LONP2: variants seen among roughly 807,000 people sequenced by gnomAD.
LONP2 encodes lon protease homolog 2, peroxisomal.
A neutral mutation model predicts 85.6 loss-of-function variants in LONP2; 60 were observed. The observed-to-expected ratio is 0.70, with a 90% confidence interval of 0.57 to 0.87. The LOEUF (loss-of-function observed/expected upper bound fraction) is 0.87. Ranked by LOEUF, LONP2 falls within the 40% of genes least tolerant of loss-of-function variation. The probability of loss-of-function intolerance (pLI) is 0.00; values close to 1 mark genes in which losing one functional copy is unlikely to be tolerated. For synonymous variants in LONP2, 395 were observed against 389.7 expected (o/e 1.01, Z -0.16); for missense variants, 860 against 1,063.5 (o/e 0.81, Z 2.66).
Position 48,346,304 on chromosome 16 carries a change from T to G in LONP2, c.1939-1203T>G, listed in dbSNP as rs1161416780. On this transcript the variant is annotated intron_variant, in intron 12 of 14. Coordinates refer to ENST00000285737, the MANE Select transcript of LONP2 (RefSeq NM_031490.5). ...TTCAGTTCCTCTAACATGAGTAACT[T>G]CTATTGGATAGGAAATTTTGAAGCT... Among the ~76,000 whole-genome samples, 5 of 152,288 alleles carry G rather than the reference T, an allele frequency of 3.3e-5. No individual in the cohort carries two copies. The Middle Eastern group carries it at 0.01, about 311-fold the overall frequency.
chr16:48,255,850 C>G (rs1170603210), intron 2 of LONP2, among the ~76,000 whole-genome samples: 8 of 152,080 alleles, frequency 5.3e-5, no homozygotes, highest in African/African-American at 1.9e-4. Context: ...TGAGGCCTCC[C>G]CAGCCATGTG....
intron 8 of LONP2, 83 bp from the exon 9 acceptor site, chr16:48,295,932 A>T: frequency 2.3e-6 from 3 of 1,287,052 alleles, no homozygotes. Flanking sequence ...CAACCTTGCC[A>T]GTACATCATG....
intron 9 of LONP2, among the ~76,000 whole-genome samples, chr16:48,296,973 G>GC (rs1555481005): frequency 6.6e-6 from 1 of 150,960 alleles, no homozygotes; most frequent in Non-Finnish European, 1.5e-5. Context: ...ATATCACTGA[G>GC]TTTTTTTTTA....
chr16:48,246,879 T>G (rs895976453), intron 1 of LONP2, among the ~76,000 whole-genome samples: 4 of 152,160 alleles, frequency 2.6e-5, no homozygotes, highest in Non-Finnish European at 4.4e-5. Flanking sequence ...CTTCAGGTTT[T>G]TAATTTATTT....
chr16:48,304,747 GC>G (rs1972876850), intron 11 of LONP2, among the ~76,000 whole-genome samples: 4 of 152,108 alleles, frequency 2.6e-5, no homozygotes, highest in Admixed American at 2.0e-4. Flanking sequence ...TTAATTTCTT[GC>G]CCCAAAACTG....
intron 1 of LONP2, among the ~76,000 whole-genome samples, chr16:48,245,522 A>G (rs1267290985): frequency 6.6e-6 from 1 of 152,122 alleles, no homozygotes; most frequent in Non-Finnish European, 1.5e-5. Flanking sequence ...TGGCTCGTCA[A>G]ATTGAGATGA....
At chr16:48,263,849 A>G (rs1971927652) in intron 6 of LONP2, among the ~76,000 whole-genome samples, 1 of 152,144 alleles carries the variant, frequency 6.6e-6, no homozygotes. Flanking sequence ...CTATTTTCCT[A>G]AGCATTGGCT....
intron 10 of LONP2, 59 bp from the exon 11 acceptor site, chr16:48,303,112 AC>A: frequency 6.4e-7 from 1 of 1,573,598 alleles, no homozygotes. Context: ...TAATCACATT[AC>A]CTCTCTATTT....
At chr16:48,348,487 CTTTTTTTTTTT>C (rs34729067) in intron 14 of LONP2, among the ~76,000 whole-genome samples, 197 bp downstream of exon 14, 3 of 112,818 alleles carry the variant, frequency 2.7e-5, no homozygotes, top group Non-Finnish European at 5.2e-5. Context: ...TCACATTTTC[CTTTTTTTTTTT>C]TTTTTTTTTT....
intron 1 of LONP2, among the ~76,000 whole-genome samples, chr16:48,247,870 A>T (rs1971496417): frequency 6.6e-6 from 1 of 152,144 alleles, no homozygotes; most frequent in Admixed American, 6.5e-5. Context: ...AGCTCAAGTG[A>T]TCCTCCTGCC....
intron 10 of LONP2, among the ~76,000 whole-genome samples, chr16:48,302,557 A>G (rs929341817): frequency 3.3e-5 from 5 of 152,020 alleles, no homozygotes; most frequent in Admixed American, 3.3e-4. Flanking sequence ...ACATGTGTTT[A>G]AAGCAGCTCT....
chr16:48,318,227 A>G (rs9933211), intron 11 of LONP2, among the ~76,000 whole-genome samples: 29,253 of 152,052 alleles, frequency 0.19, 3,278 homozygotes, highest in African/African-American at 0.3. Context: ...TCAATTTAAA[A>G]TGCATCAAAA....
At position 48,354,079 on chromosome 16, in the gene LONP2, T is replaced by TGGGG. The variant is rs60798968; in HGVS notation, c.*2282_*2285dup. 1 of 17,374 alleles carries TGGGG rather than the reference T, an allele frequency of 5.8e-5. No homozygotes were observed. The highest frequency in any genetic ancestry group is 1.8e-4 in the African/African-American group (1 of 5,430). The allele number at this position is 17,374 out of a possible 1,614,324, so 1.1% of individuals were successfully genotyped here. A position where few individuals can be genotyped will look rare whatever the true frequency, so the allele number is the denominator to read the frequency against. ...CTTTTTCACCTGGGTTTTTTTTTTT[T>TGGGG]GGGGGGGGTGGGGGGTTAGGGGTGG... On this transcript the variant is annotated 3_prime_UTR_variant, in exon 15 of 15. Coordinates refer to ENST00000285737, the MANE Select transcript of LONP2 (RefSeq NM_031490.5).
rs769045206 is a variant in LONP2, at chr16:48,299,715, C to T, written c.1588C>T (p.Gln530Ter). Residue 530 changes from glutamine to a stop codon, truncating the protein, a stop_gained, in exon 10 of 15, where the codon CAG becomes TAG. Transcript: ENST00000285737. LOFTEE classifies it high-confidence loss of function. ...EIAHRHLIPK[Q>*]LEQHGLTPQQ... ...TGCCCATAGGCACTTGATCCCCAAG[C>T]AGCTGGAACAACATGGGCTGACTCC... 7 of 1,613,812 alleles carry T rather than the reference C, an allele frequency of 4.3e-6. No homozygotes were observed. Among genetic ancestry groups the T allele is most frequent in the Non-Finnish European group, 5.9e-6 (7 of 1,179,864 alleles).
At chr16:48,333,886 G>A (rs1307466222) in intron 11 of LONP2, among the ~76,000 whole-genome samples, 1 of 152,210 alleles carries the variant, frequency 6.6e-6, no homozygotes, top group Non-Finnish European at 1.5e-5. Flanking sequence ...ATAGTGCCGG[G>A]AATTGTTCTT....
Position 48,353,514 on chromosome 16 carries a change from A to AAAG in LONP2, c.*1714_*1715insGAA, listed in dbSNP as rs1960222853. ...CCTGTCTCAAAAAAAAAAAAAAAAA[A>AAAG]AAAGATTGGGCCAAAATACTGTGAT... On this transcript the variant is annotated 3_prime_UTR_variant, in exon 15 of 15. Transcript: ENST00000285737. The AAAG allele has an allele frequency of 6.5e-6, 1 of 154,036 alleles. No homozygotes were observed. Among genetic ancestry groups the AAAG allele is most frequent in the Non-Finnish European group, 1.4e-5 (1 of 69,722 alleles). The allele number at this position is 154,036 out of a possible 1,614,324, so 9.5% of individuals were successfully genotyped here.
rs1971668986 is a variant in LONP2, at chr16:48,252,226, T to C, written c.329T>C (p.Ile110Thr). 1.2e-6 allele frequency: 2 copies of C among 1,614,208 alleles called. No homozygotes were observed. Among genetic ancestry groups the C allele is most frequent in the Non-Finnish European group, 1.7e-6 (2 of 1,180,016 alleles). Residue 110 changes from isoleucine (I) to threonine (T), a missense_variant, in exon 2 of 15, where the codon ATT (isoleucine) becomes ACT (threonine). Physicochemically the swap from Ile to Thr is moderately conservative, Grantham distance 89 (BLOSUM62 -1). This residue lies in a region of LONP2 where 743 missense variants were observed against 917.3 expected (regional missense o/e 0.81). Coordinates refer to ENST00000285737, the MANE Select transcript of LONP2 (RefSeq NM_031490.5). ...ATTACAGGCCTATGCCGTTTCCAGA[T>C]TGTACAGGTCTTAAAAGAGAAGCCA... ...LLITGLCRFQ[I>T]VQVLKEKPYP...
intron 13 of LONP2, 144 bp from the exon 14 acceptor site, chr16:48,347,956 C>A: frequency 1.3e-6 from 1 of 794,958 alleles, no homozygotes; most frequent in Admixed American, 2.9e-5. Flanking sequence ...TTCTTCCACA[C>A]CCTCACCCAA....
intron 11 of LONP2, among the ~76,000 whole-genome samples, chr16:48,330,163 G>A (rs2151021817): frequency 6.6e-6 from 1 of 152,296 alleles, no homozygotes; most frequent in African/African-American, 2.4e-5. Context: ...TAACCGGCTT[G>A]TTTTTATAAT....
Sources: allele counts gnomAD v4.1 joint callset (sites outside exome capture counted in the v4.1 genomes callset), GRCh38; gene constraint gnomAD v4.1.1; regional missense constraint gnomAD v4.1.1; transcripts MANE v1.5; gene names NCBI Gene and HGNC (gene_info 2026-07-23, HGNC 2026-07-21).